MYH3: variants seen among roughly 807,000 people sequenced by gnomAD.
The protein encoded by MYH3 is myosin heavy chain 3.
Under a neutral mutation model 238.0 loss-of-function variants are expected in MYH3, and 130 were observed. The ratio of observed to expected loss-of-function variants is 0.55; its 90% CI spans 0.47 to 0.63. The LOEUF is 0.63. Among genes scored for constraint, MYH3 ranks in the 30% least tolerant of loss-of-function variants. The pLI, the probability that MYH3 is intolerant of heterozygous loss-of-function variation, is 0.00. For missense variants in MYH3, 1,853 were observed against 2,374.9 expected, an observed-to-expected ratio of 0.78 and a Z score of 4.57; for synonymous variants, 880 against 924.1, an observed-to-expected ratio of 0.95 and a Z score of 0.86.
At chr17:10,658,285 A>T (rs1262868798), upstream of MYH3, among the ~76,000 whole-genome samples, 2 of 151,796 alleles carry the variant, frequency 1.3e-5, no homozygotes, top group African/African-American at 2.4e-5. Flanking sequence ...CTTTGGGAGG[A>T]TGGCTGGGTG....
At chr17:10,664,854 G>T in the MYH3 span, among the ~76,000 whole-genome samples, 2 of 152,162 alleles carry the variant, frequency 1.3e-5, no homozygotes, top group African/African-American at 4.8e-5. Flanking sequence ...GACAAAAAAA[G>T]GAGGCAGGCA....
Position 10,631,622 on chromosome 17 carries a change from C to A in MYH3, c.5275G>T (p.Ala1759Ser). 4 of 1,614,136 alleles carry A rather than the reference C, an allele frequency of 2.5e-6. No homozygotes were observed. The highest frequency in any genetic ancestry group is 3.4e-6 in the Non-Finnish European group (4 of 1,180,026). Residue 1759 changes from alanine (A) to serine (S), a missense_variant, in exon 36 of 41, where the codon GCC (alanine) becomes TCC (serine). Physicochemically the swap from Ala to Ser is moderately conservative, Grantham distance 99 (BLOSUM62 1). Coordinates refer to ENST00000583535, the MANE Select transcript of MYH3 (RefSeq NM_002470.4). Reference protein sequence around the residue: ...ARNAEEKAKKAITDAAMMAEE... With the variant: ...ARNAEEKAKKSITDAAMMAEE... ...AGGAGACGCCTTACGTCCGTGATGG[C>A]CTTCTTGGCCTTCTCCTCAGCGTTC...
chr17:10,658,462 T>C (rs1046543120), upstream of MYH3: 2 of 152,092 alleles, frequency 1.3e-5, no homozygotes, highest in Non-Finnish European at 2.9e-5. Flanking sequence ...GGCACGTGTA[T>C]GAAACATCCT....
Position 10,634,982 on chromosome 17 carries a change from A to G in MYH3, c.4214T>C (p.Val1405Ala), listed in dbSNP as rs758342466. 5.6e-6 allele frequency: 9 copies of G among 1,613,782 alleles called. No homozygotes were observed. The Admixed American group carries it at 1.2e-4, about 21-fold the overall frequency. ...AQRLQDSEEQ[V>A]EAVNAKCASL... ...AGCACATTTAGCATTCACTGCCTCAACCTGTTCCTCGGAATCTTGAAGGCG... is the reference window on the plus strand; with the variant it reads ...AGCACATTTAGCATTCACTGCCTCAGCCTGTTCCTCGGAATCTTGAAGGCG... Residue 1405 changes from valine to alanine, a missense_variant, in exon 31 of 41, where the codon GTT (valine) becomes GCT (alanine). Around this residue, in one of 3 missense-constraint regions of MYH3, gnomAD observed 1,044 missense variants for 1,192.6 expected, o/e 0.88. Transcript: ENST00000583535.
chr17:10,644,490 G>C lies in MYH3; in HGVS notation c.1271C>G (p.Ala424Gly). The change falls in exon 14 of 41, where the codon GCT becomes GGT. Residue 424 changes from alanine to glycine, a missense_variant. Physicochemically the swap from Ala to Gly is moderately conservative, Grantham distance 60. Transcript: ENST00000583535. ...AACTGATTTTGAAAGAGCATTCACA[G>C]CATGGTGAACCTATCAGGGGAAAGA... ...KGQTVDQVHHAVNALSKSVYE... is the reference protein window; with the variant it reads ...KGQTVDQVHHGVNALSKSVYE... 1 of 1,614,198 alleles carries C rather than the reference G, an allele frequency of 6.2e-7. No individual in the cohort carries two copies. Among genetic ancestry groups the C allele is most frequent in the Non-Finnish European group, 8.5e-7 (1 of 1,180,004 alleles).
intron 36 of MYH3, among the ~76,000 whole-genome samples, chr17:10,630,949 G>A (rs980551429): frequency 6.6e-6 from 1 of 152,224 alleles, no homozygotes; most frequent in Non-Finnish European, 1.5e-5. Context: ...GCTACACCCA[G>A]TAGATAAAAT....
At chr17:10,661,622 G>T (rs1481581352), upstream of MYH3, among the ~76,000 whole-genome samples, 3 of 152,276 alleles carry the variant, frequency 2.0e-5, no homozygotes, top group East Asian at 3.9e-4. Context: ...TCAGGTGGCT[G>T]CCCCCTTCTT....
intron 30 of MYH3, 71 bp downstream of exon 30, chr17:10,635,296 C>A: frequency 6.2e-7 from 1 of 1,611,934 alleles, no homozygotes; most frequent in Non-Finnish European, 8.5e-7. Context: ...TGGGGAAACG[C>A]CTAGTAATAA....
At chr17:10,641,437 T>C in intron 17 of MYH3, 65 bp from the exon 18 acceptor site, 1 of 1,152,302 alleles carries the variant, frequency 8.7e-7, no homozygotes, top group South Asian at 1.2e-5. Context: ...AGAGATCCAT[T>C]GTAATGAAAT....
the MYH3 span, among the ~76,000 whole-genome samples, chr17:10,664,103 G>A: frequency 6.8e-5 from 10 of 146,122 alleles, no homozygotes; most frequent in Non-Finnish European, 1.5e-5. Flanking sequence ...TATGAAAAAT[G>A]CTTCCCACCT....
chr17:10,673,680 A>C, the MYH3 span: 3 of 152,240 alleles, frequency 2.0e-5, no homozygotes, highest in African/African-American at 7.2e-5. Flanking sequence ...AATGATCCTC[A>C]ATCAGGTTTC....
At chr17:10,660,277 T>A (rs1391659093), upstream of MYH3, among the ~76,000 whole-genome samples, 1 of 152,240 alleles carries the variant, frequency 6.6e-6, no homozygotes, top group East Asian at 1.9e-4. Flanking sequence ...ACCTGCAGAT[T>A]ATGGCACAGT....
chr17:10,669,662 C>T, the MYH3 span, among the ~76,000 whole-genome samples: 43 of 151,960 alleles, frequency 2.8e-4, no homozygotes, highest in Middle Eastern at 6.8e-3. Context: ...CCAACACTTT[C>T]GGAGGCCGAG....
Position 10,632,750 on chromosome 17 carries a change from C to A in MYH3, c.4682G>T (p.Arg1561Leu). The A allele has an allele frequency of 6.2e-7, 1 of 1,614,206 alleles. No homozygotes were observed. The highest frequency in any genetic ancestry group is 8.5e-7 in the Non-Finnish European group (1 of 1,180,048). Residue 1561 changes from arginine (R) to leucine (L), a missense_variant, in exon 34 of 41, where the codon CGA becomes CTA. Arg to Leu is a moderately radical substitution (Grantham distance 102, BLOSUM62 -2). Transcript: ENST00000583535. ...ALEHEEAKIL[R>L]IQLELTQVKS... ...CACTTGTGTCAATTCAAGCTGGATTCGGAGGATCTTGGCTTCTTCATGCTC... is the reference window on the plus strand; with the variant it reads ...CACTTGTGTCAATTCAAGCTGGATTAGGAGGATCTTGGCTTCTTCATGCTC...
the MYH3 span, chr17:10,673,480 G>A: frequency 2.0e-5 from 3 of 152,280 alleles, no homozygotes; most frequent in South Asian, 2.1e-4. Context: ...GCCCTGCTTC[G>A]GGCACTGAAC....
intron 4 of MYH3, 21 bp from the exon 5 acceptor site, chr17:10,651,689 A>G: frequency 6.2e-7 from 1 of 1,611,994 alleles, no homozygotes; most frequent in Non-Finnish European, 8.5e-7. Flanking sequence ...AAAAACATAT[A>G]CGTGCGTATA....
upstream of MYH3, among the ~76,000 whole-genome samples, chr17:10,661,674 G>A (rs923221956): frequency 3.3e-5 from 5 of 152,068 alleles, no homozygotes; most frequent in East Asian, 1.9e-4. Context: ...TTTCTCCACC[G>A]CCGCCGTTTG....
chr17:10,632,131 GTTTGT>G (rs1342368130), intron 34 of MYH3, 115 bp from the exon 35 acceptor site: 2 of 828,870 alleles, frequency 2.4e-6, no homozygotes, highest in East Asian at 2.7e-5. Flanking sequence ...GTTTTGTTTT[GTTTGT>G]TTTGAGACAG....
chr17:10,649,433 T>C, intron 7 of MYH3, 144 bp downstream of exon 7: 1 of 737,618 alleles, frequency 1.4e-6, no homozygotes, highest in Non-Finnish European at 2.4e-6. Context: ...CTAAGGTGAC[T>C]GGCTGTCCTT....
Sources: allele counts gnomAD v4.1 joint callset (sites outside exome capture counted in the v4.1 genomes callset), GRCh38; gene constraint gnomAD v4.1.1; regional missense constraint gnomAD v4.1.1; transcripts MANE v1.5; gene names NCBI Gene and HGNC (gene_info 2026-07-23, HGNC 2026-07-21).